Variants in CYP11B2 observed in about 807,000 individuals in gnomAD.
CYP11B2 encodes the protein cytochrome P450 11B2, mitochondrial.
Under a neutral mutation model 49.3 loss-of-function variants are expected in CYP11B2, and 38 were observed. The observed-to-expected ratio is 0.77, with a 90% CI of 0.59 to 1.01. The LOEUF (loss-of-function observed/expected upper bound fraction) is 1.01, where lower values mean the gene tolerates loss of function less well. CYP11B2 is among the 50% of genes least tolerant of loss of function. CYP11B2 has a pLI of 0.00. For missense variants in CYP11B2, 669 were observed against 655.5 expected (o/e 1.02, Z -0.23); for synonymous variants, 290 against 269.3 (o/e 1.08, Z -0.75).
At position 142,913,442 on chromosome 8, in the gene CYP11B2, G is replaced by A; in HGVS notation, c.964C>T (p.Pro322Ser). The change falls in exon 6 of 9, where the codon CCC becomes TCC. Residue 322 changes from proline (P) to serine (S), a missense_variant. Coordinates refer to ENST00000323110, the MANE Select transcript of CYP11B2 (RefSeq NM_000498.3). Reference sequence around the variant, plus strand: ...AGCTCAAAGAGCGTCATCAGCAAGGGAAACGCTGTCTACAGAAGCCATGTC... The same window carrying A: ...AGCTCAAAGAGCGTCATCAGCAAGGAAAACGCTGTCTACAGAAGCCATGTC... ...TAGSVDTTAF[P>S]LLMTLFELAR... 1 of 1,614,036 alleles carries A rather than the reference G, an allele frequency of 6.2e-7. No homozygotes were observed. The highest frequency in any genetic ancestry group is 8.5e-7 in the Non-Finnish European group (1 of 1,180,010).
At chr8:142,917,459 A>G in intron 1 of CYP11B2, 143 bp downstream of exon 1, 2 of 1,607,910 alleles carry the variant, frequency 1.2e-6, no homozygotes, top group Non-Finnish European at 1.7e-6. Flanking sequence ...ACAGACCAGC[A>G]TGTGCTGCAC....
At chr8:142,913,890 CG>C in intron 5 of CYP11B2, 1 of 492,242 alleles carries the variant, frequency 2.0e-6, no homozygotes, top group South Asian at 1.6e-5. Context: ...CCAAGGTGAC[CG>C]GGCACACTGG....
chr8:142,916,227 C>T (rs1817642682), intron 2 of CYP11B2, among the ~76,000 whole-genome samples: 1 of 152,192 alleles, frequency 6.6e-6, no homozygotes, highest in East Asian at 1.9e-4. Context: ...ACCTGCCTTC[C>T]TGGGTCCTGA....
chr8:142,911,906 GAGA>G lies in CYP11B2; in HGVS notation c.*71_*73del. The G allele has an allele frequency of 6.2e-7, 1 of 1,608,850 alleles. No individual in the cohort carries two copies. The highest frequency in any genetic ancestry group is 1.1e-5 in the South Asian group (1 of 90,584). ...GACTCAGGAAGCTGTGCACGTGGGA[GAGA>G]AGACAGGTGGCCTGGGGTCAGGCAG... On this transcript the variant is annotated 3_prime_UTR_variant, in exon 9 of 9. Coordinates refer to ENST00000323110, the MANE Select transcript of CYP11B2 (RefSeq NM_000498.3).
At chr8:142,913,645 C>A (rs183450625) in intron 5 of CYP11B2, among the ~76,000 whole-genome samples, 194 bp from the exon 6 acceptor site, 1 of 152,234 alleles carries the variant, frequency 6.6e-6, no homozygotes, top group Admixed American at 6.5e-5. Flanking sequence ...GGAAAGGTGA[C>A]CCCCATCTCC....
At chr8:142,916,277 G>A (rs1817643926) in intron 2 of CYP11B2, 8 of 393,106 alleles carry the variant, frequency 2.0e-5, no homozygotes, top group South Asian at 1.5e-4. Flanking sequence ...CCTCAGTGAA[G>A]GCCCCGACCC....
chr8:142,911,789 C>A lies in CYP11B2; in HGVS notation c.*191G>T. On this transcript the variant is annotated 3_prime_UTR_variant, in exon 9 of 9. Coordinates refer to ENST00000323110, the MANE Select transcript of CYP11B2 (RefSeq NM_000498.3). Reference sequence around the variant, plus strand: ...GCCAGCAAGATCGTCTCCAGCTGTGCCCTGGCCTTGCTATTTGACAAGCCT... The same window carrying A: ...GCCAGCAAGATCGTCTCCAGCTGTGACCTGGCCTTGCTATTTGACAAGCCT... The A allele has an allele frequency of 1.2e-6, 1 of 802,542 alleles. No individual in the cohort carries two copies. The highest frequency in any genetic ancestry group is 1.9e-6 in the Non-Finnish European group (1 of 515,046). The allele number at this position is 802,542 out of a possible 1,614,324, so 49.7% of individuals were successfully genotyped here. A position where few individuals can be genotyped will look rare whatever the true frequency, so the allele number is the denominator to read the frequency against.
intron 4 of CYP11B2, 127 bp from the exon 5 acceptor site, chr8:142,914,545 C>A: frequency 7.2e-7 from 1 of 1,395,356 alleles, no homozygotes; most frequent in South Asian, 1.2e-5. Context: ...TCCGGATCAG[C>A]CCAGCCCAGC....
At position 142,916,994 on chromosome 8, in the gene CYP11B2, G is replaced by A. The variant is rs144473581; in HGVS notation, c.395+65C>T. 3.2e-4 allele frequency: 515 copies of A among 1,592,616 alleles called. 2 individuals carry two copies. The East Asian group carries it at 9.4e-3, about 29-fold the overall frequency. On this transcript the variant is annotated intron_variant, in intron 2 of 8. Coordinates refer to ENST00000323110, the MANE Select transcript of CYP11B2 (RefSeq NM_000498.3). ...TGTGCTTTTGGGTCCTACCTCTCTC[G>A]CCTCCCCCCTACACCCAGGCTGCCC... is the stretch of plus-strand genomic sequence containing the variant.
Position 142,914,186 on chromosome 8 carries a change from C to T in CYP11B2, c.954+78G>A, listed in dbSNP as rs1266807372. On this transcript the variant is annotated intron_variant, in intron 5 of 8. Coordinates refer to ENST00000323110, the MANE Select transcript of CYP11B2 (RefSeq NM_000498.3). ...GCCTGGGGATGGGGAACGTGGGTGC[C>T]GTGTGGCATTGGCAGGCAGTGCCTG... 1.2e-5 allele frequency: 18 copies of T among 1,540,292 alleles called. No individual in the cohort carries two copies. In the South Asian group the frequency reaches 1.8e-4, roughly 15 times the overall value.
rs1334840864 is a variant in CYP11B2, at chr8:142,917,044, C to T, written c.395+15G>A. 1.2e-6 allele frequency: 2 copies of T among 1,613,938 alleles called. No individual in the cohort carries two copies. Among genetic ancestry groups the T allele is most frequent in the Admixed American group, 1.7e-5 (1 of 59,980 alleles). On this transcript the variant is annotated intron_variant, in intron 2 of 8. Transcript: ENST00000323110. Reference sequence around the variant, plus strand: ...CACCCTGCTCCCAGCTCTCAGCTCCCAACTCGCCGCTTACAACAAGAACAC... The same window carrying T: ...CACCCTGCTCCCAGCTCTCAGCTCCTAACTCGCCGCTTACAACAAGAACAC...
At position 142,912,636 on chromosome 8, in the gene CYP11B2, A is replaced by T. The variant is rs1224974655; in HGVS notation, c.1292T>A (p.Ile431Asn). ...GTGGAAGTTCCTGCCGGAGCCCCTG[A>T]TGTCTAGCCAGCGCTGGGGATTATA... ...ERYNPQRWLD[I>N]RGSGRNFHHV... Residue 431 changes from isoleucine (I) to asparagine (N), a missense_variant, in exon 8 of 9, where the codon ATC becomes AAC. Ile to Asn is a moderately radical substitution (Grantham distance 149, BLOSUM62 -3). Coordinates refer to ENST00000323110, the MANE Select transcript of CYP11B2 (RefSeq NM_000498.3). The T allele has an allele frequency of 6.2e-7, 1 of 1,614,186 alleles. No individual in the cohort carries two copies. Among genetic ancestry groups the T allele is most frequent in the Non-Finnish European group, 8.5e-7 (1 of 1,180,020 alleles).
At chr8:142,915,966 C>A (rs750394864) in intron 2 of CYP11B2, among the ~76,000 whole-genome samples, 3 of 152,188 alleles carry the variant, frequency 2.0e-5, no homozygotes, top group Non-Finnish European at 4.4e-5. Context: ...CCATGCAAGA[C>A]CTCAACACCA....
intron 5 of CYP11B2, 40 bp downstream of exon 5, chr8:142,914,224 G>A (rs1435793696): frequency 1.2e-6 from 2 of 1,612,790 alleles, no homozygotes; most frequent in Admixed American, 3.3e-5. Flanking sequence ...AGGCAGGCTT[G>A]GCATCACCCT....
At position 142,911,910 on chromosome 8, in the gene CYP11B2, A is replaced by T. The variant is rs1335608273; in HGVS notation, c.*70T>A. On this transcript the variant is annotated 3_prime_UTR_variant, in exon 9 of 9. Coordinates refer to ENST00000323110, the MANE Select transcript of CYP11B2 (RefSeq NM_000498.3). ...CAGGAAGCTGTGCACGTGGGAGAGA[A>T]GACAGGTGGCCTGGGGTCAGGCAGA... 1.6e-5 allele frequency: 25 copies of T among 1,608,342 alleles called. No homozygotes were observed. Among genetic ancestry groups the T allele is most frequent in the Non-Finnish European group, 1.9e-5 (22 of 1,177,116 alleles).
rs370388708 is a variant in CYP11B2, at chr8:142,914,912, C to T, written c.596-4G>A. 80 of 1,613,454 alleles carry T rather than the reference C, an allele frequency of 5.0e-5. No individual in the cohort carries two copies. The highest frequency in any genetic ancestry group is 1.6e-4 in the Middle Eastern group (1 of 6,068). On this transcript the variant is annotated splice_polypyrimidine_tract_variant and splice_region_variant and intron_variant, in intron 3 of 8. Coordinates refer to ENST00000323110, the MANE Select transcript of CYP11B2 (RefSeq NM_000498.3). ...CCAAAAAGAGCTAAGTTGCTGGCTG[C>T]GGGGAGGATGCACTGCTGAGCACAA...
chr8:142,914,856 G>A lies in CYP11B2; in HGVS notation c.648C>T (p.Pro216=). 1 of 1,613,724 alleles carries A rather than the reference G, an allele frequency of 6.2e-7. No individual in the cohort carries two copies. The highest frequency in any genetic ancestry group is 8.5e-7 in the Non-Finnish European group (1 of 1,179,990). Reference sequence around the variant, plus strand: ...GGAGGAAGTTCAGGCTGGCAGAACTGGGGCTGTGGCCAACCAGGCCCAGCC... The same window carrying A: ...GGAGGAAGTTCAGGCTGGCAGAACTAGGGCTGTGGCCAACCAGGCCCAGCC... ...GERLGLVGHS[P]SSASLNFLHA... is the part of the protein sequence containing the mutation. Residue 216 remains proline (P), a synonymous_variant, in exon 4 of 9, where the codon CCC becomes CCT. Transcript: ENST00000323110.
At chr8:142,916,653 C>T (rs914841767) in intron 2 of CYP11B2, 38 of 378,810 alleles carry the variant, frequency 1.0e-4, no homozygotes, top group African/African-American at 5.6e-4. Flanking sequence ...GCTGTGGCCC[C>T]GGCGAACACC....
At chr8:142,914,071 AG>A (rs1290868835) in intron 5 of CYP11B2, 192 bp downstream of exon 5, 2 of 711,336 alleles carry the variant, frequency 2.8e-6, no homozygotes, top group East Asian at 5.5e-5. Context: ...GTCTCATGTG[AG>A]GGGGAGCTCA....
Sources: allele counts gnomAD v4.1 joint callset (sites outside exome capture counted in the v4.1 genomes callset), GRCh38; gene constraint gnomAD v4.1.1; transcripts MANE v1.5; gene names NCBI Gene and HGNC (gene_info 2026-07-23, HGNC 2026-07-21).